Variants in ITPRIP observed in about 807,000 individuals in gnomAD.
ITPRIP encodes inositol 1,4,5-trisphosphate receptor-interacting protein.
In ITPRIP, 32 loss-of-function variants were observed where a neutral mutation model predicts 35.8. The observed-to-expected ratio is 0.89, with a 90% CI of 0.68 to 1.20. The LOEUF (loss-of-function observed/expected upper bound fraction) is 1.20. Ranked by LOEUF, ITPRIP falls within the 50% of genes most tolerant of loss-of-function variation. ITPRIP has a pLI of 0.00. For missense variants in ITPRIP, 653 were observed against 735.6 expected (o/e 0.89, Z 1.30); for synonymous variants, 358 against 324.0 (o/e 1.11, Z -1.13).
chr10:104,325,080 C>T (rs979379017), intron 1 of ITPRIP, among the ~76,000 whole-genome samples: 6 of 152,166 alleles, frequency 3.9e-5, no homozygotes, highest in African/African-American at 7.2e-5. Context: ...ACTAGCTGGG[C>T]GTGGTGGCAC....
chr10:104,317,266 T>C (rs529429152), intron 1 of ITPRIP, among the ~76,000 whole-genome samples: 1 of 152,232 alleles, frequency 6.6e-6, no homozygotes, highest in Non-Finnish European at 1.5e-5. Flanking sequence ...AAGGAGGCAC[T>C]CTGTTCCCCT....
intron 1 of ITPRIP, among the ~76,000 whole-genome samples, chr10:104,316,690 T>C (rs2013703452): frequency 6.6e-6 from 1 of 152,140 alleles, no homozygotes; most frequent in Non-Finnish European, 1.5e-5. Context: ...CTGTCTGAGC[T>C]CTTTAGTCAC....
intron 1 of ITPRIP, among the ~76,000 whole-genome samples, chr10:104,335,964 C>T (rs979189868): frequency 5.3e-5 from 8 of 151,936 alleles, no homozygotes; most frequent in African/African-American, 1.5e-4. Context: ...AATGTTAAGC[C>T]CTCAATAGTG....
intron 1 of ITPRIP, among the ~76,000 whole-genome samples, chr10:104,325,830 C>A (rs1292346189): frequency 6.6e-6 from 1 of 152,204 alleles, no homozygotes; most frequent in Non-Finnish European, 1.5e-5. Flanking sequence ...CCCCAGGAGC[C>A]CCAACTGTCC....
At position 104,314,094 on chromosome 10, in the gene ITPRIP, C is replaced by G; in HGVS notation, c.*314G>C. On this transcript the variant is annotated 3_prime_UTR_variant, in exon 2 of 2. Transcript: ENST00000337478. ...ACACCCAATCCAACATTTGCATTGTCTCTAACTCAGGGTCCACAGCGTGTT... is the reference window on the plus strand; with the variant it reads ...ACACCCAATCCAACATTTGCATTGTGTCTAACTCAGGGTCCACAGCGTGTT... 8.8e-7 allele frequency: 1 copy of G among 1,132,294 alleles called. No homozygotes were observed. The highest frequency in any genetic ancestry group is 1.1e-6 in the Non-Finnish European group (1 of 921,436). 70.1% of individuals were successfully genotyped at this position (1,132,294 alleles called of 1,614,324 possible). A position where few individuals can be genotyped will look rare whatever the true frequency, so the allele number is the denominator to read the frequency against.
intron 1 of ITPRIP, among the ~76,000 whole-genome samples, chr10:104,322,338 C>T (rs1046697022): frequency 3.5e-4 from 54 of 152,348 alleles, no homozygotes; most frequent in South Asian, 1.0e-3. Flanking sequence ...GGTTGACTGA[C>T]CACAGCCTTA....
Position 104,310,673 on chromosome 10 carries a change from TG to T in ITPRIP, c.*3734del, listed in dbSNP as rs1589883621. Reference sequence around the variant, plus strand: ...GGAACTGTGTGCATTAACAAATGTGTGTGCGGAACGGTGCCTGCCATACAGT... The same window carrying T: ...GGAACTGTGTGCATTAACAAATGTGTTGCGGAACGGTGCCTGCCATACAGT... On this transcript the variant is annotated 3_prime_UTR_variant, in exon 2 of 2. Transcript: ENST00000337478. 1 of 152,148 alleles carries T rather than the reference TG, an allele frequency of 6.6e-6. No individual in the cohort carries two copies. The highest frequency in any genetic ancestry group is 1.9e-4 in the East Asian group (1 of 5,184). The allele number at this position is 152,148 out of a possible 1,614,324, so 9.4% of individuals were successfully genotyped here.
In ITPRIP at chr10:104,312,801, G is replaced by C; in HGVS notation, c.*1607C>G. The C allele has an allele frequency of 2.0e-6, 2 of 985,326 alleles. No homozygotes were observed. Among genetic ancestry groups the C allele is most frequent in the Non-Finnish European group, 2.4e-6 (2 of 829,930 alleles). 61.0% of individuals were successfully genotyped at this position (985,326 alleles called of 1,614,324 possible). A position where few individuals can be genotyped will look rare whatever the true frequency, so the allele number is the denominator to read the frequency against. ...AGGATCTCCTTCCTTCAGTTTGTGG[G>C]GTAACTGGGCACCCCTGTCAAGTTG... On this transcript the variant is annotated 3_prime_UTR_variant, in exon 2 of 2. Coordinates refer to ENST00000337478, the MANE Select transcript of ITPRIP (RefSeq NM_001272013.2).
Position 104,315,056 on chromosome 10 carries a change from C to A in ITPRIP, c.996G>T (p.Gly332=). The A allele has an allele frequency of 6.2e-7, 1 of 1,614,166 alleles. No individual in the cohort carries two copies. Residue 332 remains glycine (G), a synonymous_variant, in exon 2 of 2, where the codon GGG becomes GGT. Coordinates refer to ENST00000337478, the MANE Select transcript of ITPRIP (RefSeq NM_001272013.2). This position sits in a 1 kb window ranked among gnomAD's most constrained non-coding sequence, Gnocchi z 5.7. ...DLAFGQLDSP[G]SLKIKFRSGK... Reference sequence around the variant, plus strand: ...CTGAACGGAACTTGATCTTCAGGGACCCCGGGCTGTCCAGCTGGCCAAAGG... The same window carrying A: ...CTGAACGGAACTTGATCTTCAGGGAACCCGGGCTGTCCAGCTGGCCAAAGG...
At chr10:104,329,655 T>C (rs1403916140) in intron 1 of ITPRIP, among the ~76,000 whole-genome samples, 1 of 152,052 alleles carries the variant, frequency 6.6e-6, no homozygotes, top group Non-Finnish European at 1.5e-5. Context: ...CCAAAGCTCA[T>C]CAGCTAAGAA....
chr10:104,321,882 T>C (rs77727144), intron 1 of ITPRIP, among the ~76,000 whole-genome samples: 280 of 151,976 alleles, frequency 1.8e-3, no homozygotes, highest in Middle Eastern at 6.8e-3. Flanking sequence ...AAAGCTCAAG[T>C]TTTTCCACTG....
At chr10:104,319,039 A>T (rs1167320571) in intron 1 of ITPRIP, among the ~76,000 whole-genome samples, 1 of 152,234 alleles carries the variant, frequency 6.6e-6, no homozygotes, top group Non-Finnish European at 1.5e-5. Context: ...GTAGGATTAC[A>T]GACAAGACTC....
At chr10:104,335,107 C>A (rs1291738283) in intron 1 of ITPRIP, among the ~76,000 whole-genome samples, 1 of 152,162 alleles carries the variant, frequency 6.6e-6, no homozygotes, top group South Asian at 2.1e-4. Flanking sequence ...TGCTGGGCAC[C>A]AGCTGGCCCC....
chr10:104,314,651 C>A lies in ITPRIP; in HGVS notation c.1401G>T (p.Lys467Asn). 2 of 1,614,050 alleles carry A rather than the reference C, an allele frequency of 1.2e-6. No individual in the cohort carries two copies. The highest frequency in any genetic ancestry group is 1.7e-6 in the Non-Finnish European group (2 of 1,180,006). The part of the protein sequence containing the change: ...RLHELLCFLE[K>N]SLLQKKLHHF... ...GGTGGAGCTTCTTCTGGAGCAAGCT[C>A]TTCTCCAGGAAGCACAGCAACTCGT... The change falls in exon 2 of 2, where the codon AAG becomes AAT. Residue 467 changes from lysine to asparagine, a missense_variant. Coordinates refer to ENST00000337478, the MANE Select transcript of ITPRIP (RefSeq NM_001272013.2).
rs1385374744 is a variant in ITPRIP, at chr10:104,314,778, G to C, written c.1274C>G (p.Pro425Arg). Residue 425 changes from proline (P) to arginine (R), a missense_variant, in exon 2 of 2, where the codon CCC (proline) becomes CGC (arginine). Coordinates refer to ENST00000337478, the MANE Select transcript of ITPRIP (RefSeq NM_001272013.2). The stretch of plus-strand genomic sequence containing the variant: ...CAGGTGGTAGCTGCTGAGCCCGCTG[G>C]GACCGGTCAGGCGGCTCTGCTTGGA... ...LLSKQSRLTG[P>R]SGLSSYHLKT... The C allele has an allele frequency of 1.2e-6, 2 of 1,613,924 alleles. No individual in the cohort carries two copies. Among genetic ancestry groups the C allele is most frequent in the Admixed American group, 1.7e-5 (1 of 60,018 alleles).
chr10:104,327,270 A>C (rs1176832052), intron 1 of ITPRIP, among the ~76,000 whole-genome samples: 5 of 149,948 alleles, frequency 3.3e-5, no homozygotes, highest in African/African-American at 7.4e-5. Flanking sequence ...AACACTCCAA[A>C]CCCCCAGTTA....
Position 104,315,335 on chromosome 10 carries a change from G to A in ITPRIP, c.717C>T (p.Gly239=), listed in dbSNP as rs763462199. The change falls in exon 2 of 2, where the codon GGC becomes GGT. Residue 239 remains glycine (G), a synonymous_variant. Coordinates refer to ENST00000337478, the MANE Select transcript of ITPRIP (RefSeq NM_001272013.2). The surrounding 1 kb of genome is among the most constrained non-coding windows in gnomAD (Gnocchi z 5.7). Reference sequence around the variant, plus strand: ...CGCGGACCACCTTGATCTGGCCGTAGCCCTGGCGATCCAGGGGCACTGAGC... The same window carrying A: ...CGCGGACCACCTTGATCTGGCCGTAACCCTGGCGATCCAGGGGCACTGAGC... ...SGRSVPLDRQ[G]YGQIKVVRAD... The A allele has an allele frequency of 4.5e-6, 7 of 1,564,870 alleles. No individual in the cohort carries two copies. Among genetic ancestry groups the A allele is most frequent in the Non-Finnish European group, 6.1e-6 (7 of 1,152,050 alleles).
At chr10:104,318,089 G>T (rs532070892) in intron 1 of ITPRIP, among the ~76,000 whole-genome samples, 13 of 152,334 alleles carry the variant, frequency 8.5e-5, no homozygotes, top group African/African-American at 2.9e-4. Flanking sequence ...AGTGGAAGAA[G>T]TCACACTGCA....
rs114168108 is a variant in ITPRIP, at chr10:104,322,617, C to T, written c.-13-6553G>A. On this transcript the variant is annotated intron_variant, in intron 1 of 1. Transcript: ENST00000337478. ...GCGTCCTCTGGGTAGGAGGGTGGGGCTCCTGCAGTGTCACAGCAGCCCACA... is the reference window on the plus strand; with the variant it reads ...GCGTCCTCTGGGTAGGAGGGTGGGGTTCCTGCAGTGTCACAGCAGCCCACA... 8.0e-3 allele frequency among the ~76,000 whole-genome samples: 1,224 copies of T among 152,238 alleles called. 14 individuals carry two copies. The highest frequency in any genetic ancestry group is 0.025 in the African/African-American group (1,023 of 41,544).
Sources: gnomAD v4.1 joint callset for allele counts (sites outside exome capture counted in the v4.1 genomes callset) on GRCh38, gnomAD v4.1.1 for gene constraint, Gnocchi (gnomAD v3.1) non-coding constraint, MANE v1.5 for transcripts, NCBI Gene and HGNC (gene_info 2026-07-23, HGNC 2026-07-21) for gene names.